The following ZKSCAN1 variants were observed in gnomAD, a reference collection of about 807,000 sequenced individuals.
ZKSCAN1 encodes zinc finger with KRAB and SCAN domains 1.
ZKSCAN1 carries 14 observed loss-of-function variants against 51.6 expected under a neutral mutation model. The observed-to-expected ratio is 0.27, with a 90% CI of 0.18 to 0.42. The LOEUF is 0.42. Ranked by LOEUF, ZKSCAN1 falls within the 10% of genes least tolerant of loss-of-function variation. The pLI is 1.00. For synonymous variants in ZKSCAN1, 263 were observed against 261.5 expected (o/e 1.01, Z -0.06); for missense variants, 531 against 710.0 (o/e 0.75, Z 2.86).
In ZKSCAN1 at chr7:100,039,574, T is replaced by A. The variant is rs1791509274; in HGVS notation, c.*5377T>A. 1 of 985,336 alleles carries A rather than the reference T, an allele frequency of 1.0e-6. No individual in the cohort carries two copies. Among genetic ancestry groups the A allele is most frequent in the African/African-American group, 1.7e-5 (1 of 57,232 alleles). The allele number at this position is 985,336 out of a possible 1,614,324, so 61.0% of individuals were successfully genotyped here. A position where few individuals can be genotyped will look rare whatever the true frequency, so the allele number is the denominator to read the frequency against. On this transcript the variant is annotated 3_prime_UTR_variant, in exon 6 of 6. Transcript: ENST00000324306. ...TGTGAAAGAATCTTTTTTTAATTTT[T>A]ATCCTAGAGTCAGTCACTTTTATTC...
At chr7:100,045,082 C>A, downstream of ZKSCAN1, 2 of 626,486 alleles carry the variant, frequency 3.2e-6, no homozygotes, top group Non-Finnish European at 4.0e-6. Context: ...TGGGTTTCCG[C>A]TGCAAAGGGC....
Position 100,023,800 on chromosome 7 carries a change from T to G in ZKSCAN1, c.294T>G (p.Leu98=), listed in dbSNP as rs141574099. The change falls in exon 2 of 6, where the codon CTT becomes CTG. Residue 98 remains leucine (L), a synonymous_variant. Coordinates refer to ENST00000324306, the MANE Select transcript of ZKSCAN1 (RefSeq NM_003439.4). ...ACACCAAGGAACAGATCCTGGAGCT[T>G]CTGGTGCTAGAGCAGTTTCTTTCCA... is the stretch of plus-strand genomic sequence containing the variant. ...EINTKEQILE[L]LVLEQFLSIL... is the part of the protein sequence containing the mutation. The G allele has an allele frequency of 6.2e-7, 1 of 1,614,050 alleles. No homozygotes were observed. Among genetic ancestry groups the G allele is most frequent in the African/African-American group, 1.3e-5 (1 of 74,920 alleles).
intron 3 of ZKSCAN1, among the ~76,000 whole-genome samples, chr7:100,025,778 T>C (rs759290142): frequency 6.6e-6 from 1 of 152,138 alleles, no homozygotes; most frequent in Non-Finnish European, 1.5e-5. Context: ...ATCGAAAAAG[T>C]AAAAACAGAG....
chr7:100,025,425 G>A (rs564937742), intron 3 of ZKSCAN1, among the ~76,000 whole-genome samples: 5 of 151,588 alleles, frequency 3.3e-5, no homozygotes, highest in African/African-American at 7.3e-5. Context: ...TGAGGAACAC[G>A]AAAAAAGATC....
At chr7:100,020,648 T>G (rs1226374877) in intron 1 of ZKSCAN1, among the ~76,000 whole-genome samples, 1 of 152,136 alleles carries the variant, frequency 6.6e-6, no homozygotes, top group Non-Finnish European at 1.5e-5. Context: ...AGAGCAAGAC[T>G]CCGTTTCAAT....
chr7:100,020,154 G>T (rs1183557333), intron 1 of ZKSCAN1, among the ~76,000 whole-genome samples: 1 of 152,230 alleles, frequency 6.6e-6, no homozygotes, highest in African/African-American at 2.4e-5. Context: ...CTTGAACAGT[G>T]ATAAGAGGCA....
chr7:100,016,088 C>T (rs537894415), intron 1 of ZKSCAN1, among the ~76,000 whole-genome samples: 3 of 152,326 alleles, frequency 2.0e-5, no homozygotes, highest in East Asian at 1.9e-4. Context: ...GATTTTTCTG[C>T]TCTCCCTTAG....
At chr7:100,018,352 A>G (rs1456892023) in intron 1 of ZKSCAN1, among the ~76,000 whole-genome samples, 2 of 152,172 alleles carry the variant, frequency 1.3e-5, no homozygotes, top group Non-Finnish European at 2.9e-5. Context: ...GCTCTTAATA[A>G]TCTAGTTGAG....
downstream of ZKSCAN1, chr7:100,041,691 T>A: frequency 1.0e-6 from 1 of 985,476 alleles, no homozygotes. Flanking sequence ...TAGGTGGCAG[T>A]GCTTGTGCTG....
chr7:100,040,333 TTGAATC>T lies in ZKSCAN1; in HGVS notation c.*6140_*6145del, dbSNP rs1791542684. On this transcript the variant is annotated 3_prime_UTR_variant, in exon 6 of 6. Coordinates refer to ENST00000324306, the MANE Select transcript of ZKSCAN1 (RefSeq NM_003439.4). ...CTTCTAAATCATGGTCTCTGACAAT[TTGAATC>T]TGAGATTCTCACCTCCATTTACTAA... The T allele has an allele frequency of 2.0e-6, 2 of 985,328 alleles. No individual in the cohort carries two copies. The highest frequency in any genetic ancestry group is 1.1e-4 in the East Asian group (1 of 8,830). 61.0% of individuals were successfully genotyped at this position (985,328 alleles called of 1,614,324 possible). A position where few individuals can be genotyped will look rare whatever the true frequency, so the allele number is the denominator to read the frequency against.
rs1006711455 is a variant in ZKSCAN1 at position 100,039,822 on chromosome 7, G to A, written c.*5625G>A. On this transcript the variant is annotated 3_prime_UTR_variant, in exon 6 of 6. Coordinates refer to ENST00000324306, the MANE Select transcript of ZKSCAN1 (RefSeq NM_003439.4). ...GGTTTTCCCATCTGGGAAATGGGGTGAAAGTCTGCAGATTGTTAAATGAAA... is the reference window on the plus strand; with the variant it reads ...GGTTTTCCCATCTGGGAAATGGGGTAAAAGTCTGCAGATTGTTAAATGAAA... 9.1e-6 allele frequency: 9 copies of A among 985,280 alleles called. No individual in the cohort carries two copies. The African/African-American group carries it at 1.6e-4, about 17-fold the overall frequency. 61.0% of individuals were successfully genotyped at this position (985,280 alleles called of 1,614,324 possible).
At position 100,040,503 on chromosome 7, in the gene ZKSCAN1, G is replaced by A. The variant is rs1293893867; in HGVS notation, c.*6306G>A. 1.0e-6 allele frequency: 1 copy of A among 985,330 alleles called. No homozygotes were observed. The highest frequency in any genetic ancestry group is 1.2e-6 in the Non-Finnish European group (1 of 829,950). 61.0% of individuals were successfully genotyped at this position (985,330 alleles called of 1,614,324 possible). ...GATAGAGTGAGATCTGTGAGTGATT[G>A]AAAGGTGATATTTAAAAACTTGGAT... On this transcript the variant is annotated 3_prime_UTR_variant, in exon 6 of 6. Coordinates refer to ENST00000324306, the MANE Select transcript of ZKSCAN1 (RefSeq NM_003439.4).
At chr7:100,031,939 C>T (rs577947205) in intron 5 of ZKSCAN1, among the ~76,000 whole-genome samples, 3 of 152,176 alleles carry the variant, frequency 2.0e-5, no homozygotes, top group African/African-American at 7.2e-5. Flanking sequence ...ATTAGCCAGG[C>T]GGGGTGGTGC....
At chr7:100,023,208 A>T (rs764171426) in intron 1 of ZKSCAN1, among the ~76,000 whole-genome samples, 1 of 151,936 alleles carries the variant, frequency 6.6e-6, no homozygotes, top group Non-Finnish European at 1.5e-5. Context: ...ACGGGGTTTC[A>T]CCATGTTGGC....
At chr7:100,027,528 A>G (rs570425465) in intron 3 of ZKSCAN1, among the ~76,000 whole-genome samples, 311 of 151,874 alleles carry the variant, frequency 2.0e-3, no homozygotes, top group Non-Finnish European at 2.9e-3. Context: ...AGGCAGGAGG[A>G]TCACAAGGTC....
chr7:100,033,233 A>G lies in ZKSCAN1; in HGVS notation c.800-72A>G. 2 of 1,488,276 alleles carry G rather than the reference A, an allele frequency of 1.3e-6. No homozygotes were observed. The highest frequency in any genetic ancestry group is 1.8e-6 in the Non-Finnish European group (2 of 1,125,564). The allele number at this position is 1,488,276 out of a possible 1,614,324, so 92.2% of individuals were successfully genotyped here. A position where few individuals can be genotyped will look rare whatever the true frequency, so the allele number is the denominator to read the frequency against. On this transcript the variant is annotated intron_variant, in intron 5 of 5. Transcript: ENST00000324306. This position sits in a 1 kb window ranked among gnomAD's most constrained non-coding sequence, Gnocchi z 4.1. ...TGCAGCCGTGTAGAAGCTTCTCGGG[A>G]AACTGTCGCTTGACCCACCTGTATA...
At position 100,028,548 on chromosome 7, in the gene ZKSCAN1, C is replaced by G. The variant is rs150908625; in HGVS notation, c.581-1313C>G. On this transcript the variant is annotated intron_variant, in intron 3 of 5. Coordinates refer to ENST00000324306, the MANE Select transcript of ZKSCAN1 (RefSeq NM_003439.4). ...GTTTGAAATAGGTACAAGGTTTGGT[C>G]ATTCAGTTTCAAATTCATTTCTCAA... 2.2e-4 allele frequency among the ~76,000 whole-genome samples: 34 copies of G among 152,164 alleles called. No individual in the cohort carries two copies. The East Asian group carries it at 6.6e-3, about 29-fold the overall frequency.
At position 100,041,373 on chromosome 7, in the gene ZKSCAN1, G is replaced by A. The variant is rs923440228; in HGVS notation, c.*7176G>A. The A allele has an allele frequency of 5.3e-5, 52 of 984,998 alleles. No individual in the cohort carries two copies. The African/African-American group carries it at 8.0e-4, about 15-fold the overall frequency. 61.0% of individuals were successfully genotyped at this position (984,998 alleles called of 1,614,324 possible). The stretch of plus-strand genomic sequence containing the variant: ...TTTAAAATCCTCCTTAACATTTCTA[G>A]AAAGACTTCTTTCAATAAATAATGG... On this transcript the variant is annotated 3_prime_UTR_variant, in exon 6 of 6. Transcript: ENST00000324306.
In ZKSCAN1 at chr7:100,039,544, G is replaced by T. The variant is rs1344727265; in HGVS notation, c.*5347G>T. On this transcript the variant is annotated 3_prime_UTR_variant, in exon 6 of 6. Coordinates refer to ENST00000324306, the MANE Select transcript of ZKSCAN1 (RefSeq NM_003439.4). ...TAGGAGAGAGGTTTTGCAAAGACTC[G>T]TTGCTGTGAAAGAATCTTTTTTTAA... 1.0e-6 allele frequency: 1 copy of T among 985,348 alleles called. No individual in the cohort carries two copies. Among genetic ancestry groups the T allele is most frequent in the Non-Finnish European group, 1.2e-6 (1 of 829,926 alleles). 61.0% of individuals were successfully genotyped at this position (985,348 alleles called of 1,614,324 possible). A position where few individuals can be genotyped will look rare whatever the true frequency, so the allele number is the denominator to read the frequency against.
Sources: gnomAD v4.1 joint callset for allele counts (sites outside exome capture counted in the v4.1 genomes callset) on GRCh38, gnomAD v4.1.1 for gene constraint, Gnocchi (gnomAD v3.1) non-coding constraint, MANE v1.5 for transcripts, NCBI Gene and HGNC (gene_info 2026-07-23, HGNC 2026-07-21) for gene names.